The following PDE10A variants were observed in gnomAD, a reference collection of about 807,000 sequenced individuals.
PDE10A encodes the protein cAMP and cAMP-inhibited cGMP 3',5'-cyclic phosphodiesterase 10A.
Under a neutral mutation model 97.7 loss-of-function variants are expected in PDE10A, and 39 were observed. The ratio of observed to expected loss-of-function variants is 0.40; its 90% CI spans 0.31 to 0.52. The LOEUF (loss-of-function observed/expected upper bound fraction) is 0.52. Ranked by LOEUF, PDE10A falls within the 20% of genes least tolerant of loss-of-function variation. The pLI is 0.56. For missense variants in PDE10A, 731 were observed against 1,047.8 expected, an observed-to-expected ratio of 0.70 and a Z score of 4.17; for synonymous variants, 371 against 376.8, an observed-to-expected ratio of 0.98 and a Z score of 0.18.
intron 1 of PDE10A, among the ~76,000 whole-genome samples, chr6:165,713,897 T>C (rs1317444728): frequency 6.6e-6 from 1 of 152,228 alleles, no homozygotes; most frequent in Non-Finnish European, 1.5e-5. Flanking sequence ...GCTTTATTGC[T>C]GCGGAAGATT....
rs1299774874 is a variant in PDE10A at position 165,535,130 on chromosome 6, G to GCAT, written c.994+8307_994+8309dup. ...CAAAATCAACATATGATAATCTGTA[G>GCAT]CATTTCTATATGTCGAAAGCAAACA... On this transcript the variant is annotated intron_variant, in intron 2 of 21. Coordinates refer to ENST00000539869, the MANE Select transcript of PDE10A (RefSeq NM_001385079.1). 2.6e-5 allele frequency among the ~76,000 whole-genome samples: 4 copies of GCAT among 152,036 alleles called. No individual in the cohort carries two copies. The East Asian group carries it at 5.8e-4, about 22-fold the overall frequency.
chr6:165,445,434 T>C (rs1200008355), intron 5 of PDE10A, among the ~76,000 whole-genome samples: 3 of 152,128 alleles, frequency 2.0e-5, no homozygotes, highest in East Asian at 3.9e-4. Flanking sequence ...AATAGACTGA[T>C]CTTCTCCCAG....
At chr6:165,980,083 T>C (rs1467501539) in intron 1 of PDE10A, among the ~76,000 whole-genome samples, 1 of 152,234 alleles carries the variant, frequency 6.6e-6, no homozygotes, top group African/African-American at 2.4e-5. Context: ...AAAGTTGTCT[T>C]ATGAATCCTA....
At chr6:165,578,819 A>G (rs1212548398) in intron 1 of PDE10A, among the ~76,000 whole-genome samples, 1 of 152,190 alleles carries the variant, frequency 6.6e-6, no homozygotes, top group African/African-American at 2.4e-5. Flanking sequence ...AAATGAAACC[A>G]CTGCTGCTCC....
intron 20 of PDE10A, among the ~76,000 whole-genome samples, 173 bp downstream of exon 20, chr6:165,339,105 C>A (rs1245328488): frequency 6.6e-6 from 1 of 152,164 alleles, no homozygotes; most frequent in African/African-American, 2.4e-5. Context: ...TTTTCTAGTT[C>A]TCAATCTTGT....
At chr6:165,827,939 A>C (rs1779806377) in intron 1 of PDE10A, among the ~76,000 whole-genome samples, 1 of 152,182 alleles carries the variant, frequency 6.6e-6, no homozygotes, top group South Asian at 2.1e-4. Flanking sequence ...CTTCACTTAG[A>C]ATAGTGGTCT....
chr6:165,691,439 T>G (rs1368384860), intron 1 of PDE10A, among the ~76,000 whole-genome samples: 1 of 152,132 alleles, frequency 6.6e-6, no homozygotes. Context: ...ACCCTGTGTG[T>G]GTAGTGGGCT....
intron 1 of PDE10A, among the ~76,000 whole-genome samples, chr6:165,898,875 T>C (rs1583254249): frequency 6.6e-6 from 1 of 152,170 alleles, no homozygotes; most frequent in Admixed American, 6.5e-5. Flanking sequence ...AGCCTCAGGG[T>C]CTCTGCATTT....
Position 165,450,275 on chromosome 6 carries a change from G to T in PDE10A, c.1111C>A (p.Leu371Ile), listed in dbSNP as rs1791189889. The change falls in exon 4 of 22, where the codon CTC becomes ATC. Residue 371 changes from leucine to isoleucine, a missense_variant. Physicochemically the swap from Leu to Ile is conservative, Grantham distance 5 (BLOSUM62 2). Transcript: ENST00000539869. ...ATGATGCTGCTCAGTTCATAGAGGA[G>T]TAGCTGGTTGTCTCCTCCTGTGTCC... ...RLDTGGDNQL[L>I]LYELSSIIKI... The T allele has an allele frequency of 2.5e-6, 4 of 1,607,198 alleles. No individual in the cohort carries two copies. The highest frequency in any genetic ancestry group is 3.4e-6 in the Non-Finnish European group (4 of 1,175,586).
At chr6:165,656,258 T>TCTCTCTCACACA (rs1365414526) in intron 1 of PDE10A, among the ~76,000 whole-genome samples, 4 of 129,840 alleles carry the variant, frequency 3.1e-5, no homozygotes, top group African/African-American at 1.3e-4. Flanking sequence ...TCTCTCTCTC[T>TCTCTCTCACACA]CACACACACA....
chr6:165,427,573 T>C (rs565057490), intron 10 of PDE10A, among the ~76,000 whole-genome samples: 50 of 152,246 alleles, frequency 3.3e-4, no homozygotes, highest in African/African-American at 1.1e-3. Context: ...TGATTGATGA[T>C]AGTTGCACAT....
chr6:165,574,702 C>T (rs1473806141), intron 1 of PDE10A, among the ~76,000 whole-genome samples: 1 of 152,122 alleles, frequency 6.6e-6, no homozygotes, highest in Admixed American at 6.5e-5. Context: ...CATTAAAAAG[C>T]TCTTTGTTAA....
chr6:165,635,186 G>A (rs983030632), intron 1 of PDE10A, among the ~76,000 whole-genome samples: 13 of 152,224 alleles, frequency 8.5e-5, no homozygotes, highest in African/African-American at 1.4e-4. Flanking sequence ...AGTATTCTCC[G>A]TGGAAAAATG....
chr6:165,872,091 T>C (rs914966974), intron 1 of PDE10A, among the ~76,000 whole-genome samples: 3 of 152,160 alleles, frequency 2.0e-5, no homozygotes, highest in Non-Finnish European at 2.9e-5. Flanking sequence ...AAGGTCTCAA[T>C]TGAGGGTGGC....
At chr6:165,987,471 A>G (rs1785257851) in intron 1 of PDE10A, 1 of 347,226 alleles carries the variant, frequency 2.9e-6, no homozygotes, top group South Asian at 2.2e-5. Context: ...AAAGATTGGG[A>G]CTAAGTTTTT....
At chr6:165,673,544 C>A (rs965950723) in intron 1 of PDE10A, among the ~76,000 whole-genome samples, 3 of 152,242 alleles carry the variant, frequency 2.0e-5, no homozygotes, top group African/African-American at 7.2e-5. Context: ...CCCTATAATT[C>A]AGGCCTCTTC....
chr6:165,722,597 C>T (rs74821016), intron 1 of PDE10A, among the ~76,000 whole-genome samples: 1,597 of 152,246 alleles, frequency 0.01, 29 homozygotes, highest in African/African-American at 0.037. Context: ...GTTATGTGAG[C>T]GTGCTCTCTA....
Position 165,662,257 on chromosome 6 carries a change from A to ACCG in PDE10A, c.552_554dup (p.Gly186dup), listed in dbSNP as rs1790314953. 6.1e-6 allele frequency: 1 copy of ACCG among 162,728 alleles called. No individual in the cohort carries two copies. The highest frequency in any genetic ancestry group is 1.2e-5 in the Non-Finnish European group (1 of 80,466). 10.1% of individuals were successfully genotyped at this position (162,728 alleles called of 1,614,324 possible). A position where few individuals can be genotyped will look rare whatever the true frequency, so the allele number is the denominator to read the frequency against. Reference sequence around the variant, plus strand: ...GCCGCCGCCGCCCGCCGCCGCTGCCACCGCCGCCGCGGTGACTACTGCTGG... The same window carrying ACCG: ...GCCGCCGCCGCCCGCCGCCGCTGCCACCGCCGCCGCCGCGGTGACTACTGCTGG... On this transcript the variant is annotated inframe_insertion, in exon 1 of 22. Transcript: ENST00000539869.
At chr6:165,807,282 G>A (rs961405484) in intron 1 of PDE10A, among the ~76,000 whole-genome samples, 4 of 151,170 alleles carry the variant, frequency 2.6e-5, no homozygotes, top group Non-Finnish European at 5.9e-5. Context: ...TAGAATGCTT[G>A]TTGATGGTAT....
Sources: allele counts gnomAD v4.1 joint callset (sites outside exome capture counted in the v4.1 genomes callset), GRCh38; gene constraint gnomAD v4.1.1; transcripts MANE v1.5; gene names NCBI Gene and HGNC (gene_info 2026-07-23, HGNC 2026-07-21).